The following SPRED2 variants were observed in gnomAD, a reference collection of about 807,000 sequenced individuals.
SPRED2 encodes the protein sprouty-related, EVH1 domain-containing protein 2.
A neutral mutation model predicts 43.0 loss-of-function variants in SPRED2; 47 were observed. The ratio of observed to expected loss-of-function variants is 1.09; its 90% confidence interval spans 0.87 to 1.40. The LOEUF (loss-of-function observed/expected upper bound fraction) is 1.40, where lower values mean the gene tolerates loss of function less well. Among genes scored for constraint, SPRED2 ranks in the 40% most tolerant of loss-of-function variants. The pLI is 0.00. For synonymous variants in SPRED2, 225 were observed against 225.7 expected, an observed-to-expected ratio of 1.00 and a Z score of 0.03; for missense variants, 561 against 586.4, an observed-to-expected ratio of 0.96 and a Z score of 0.45.
chr2:65,338,024 A>C (rs1347066348), intron 2 of SPRED2, among the ~76,000 whole-genome samples: 5 of 152,368 alleles, frequency 3.3e-5, no homozygotes, highest in African/African-American at 1.2e-4. Flanking sequence ...ATTATAGAAT[A>C]AAATGTATCA....
chr2:65,355,556 A>G (rs1382953453), intron 1 of SPRED2, among the ~76,000 whole-genome samples: 1 of 152,156 alleles, frequency 6.6e-6, no homozygotes, highest in South Asian at 2.1e-4. Context: ...GTCTCCATCA[A>G]AAATACAAAA....
chr2:65,395,769 A>G (rs1227273761), intron 1 of SPRED2, among the ~76,000 whole-genome samples: 1 of 152,120 alleles, frequency 6.6e-6, no homozygotes, highest in South Asian at 2.1e-4. Context: ...ATGAACTCAA[A>G]TATCAAATAT....
chr2:65,358,050 C>A (rs564536719), intron 1 of SPRED2, among the ~76,000 whole-genome samples: 2 of 152,078 alleles, frequency 1.3e-5, no homozygotes, highest in South Asian at 4.2e-4. Flanking sequence ...CACTAAAATA[C>A]CCTACAAAAG....
At chr2:65,362,714 C>T (rs1473498534) in intron 1 of SPRED2, among the ~76,000 whole-genome samples, 1 of 152,026 alleles carries the variant, frequency 6.6e-6, no homozygotes, top group Non-Finnish European at 1.5e-5. Flanking sequence ...CAAAATTAGC[C>T]AGGCGTGGTG....
At chr2:65,336,889 A>G (rs980377181) in intron 2 of SPRED2, among the ~76,000 whole-genome samples, 7 of 152,206 alleles carry the variant, frequency 4.6e-5, no homozygotes, top group African/African-American at 1.4e-4. Flanking sequence ...CGGGCGGATC[A>G]TGAGGTCAGG....
At chr2:65,405,307 G>C (rs1477477094) in intron 1 of SPRED2, among the ~76,000 whole-genome samples, 1 of 152,248 alleles carries the variant, frequency 6.6e-6, no homozygotes, top group Admixed American at 6.5e-5. Context: ...GATAGTGATA[G>C]AGGAAGTCGT....
At chr2:65,416,361 C>G (rs538692861) in intron 1 of SPRED2, among the ~76,000 whole-genome samples, 20 of 152,260 alleles carry the variant, frequency 1.3e-4, no homozygotes, top group African/African-American at 4.3e-4. Flanking sequence ...GCATGCCAAC[C>G]AACACACTGC....
intron 1 of SPRED2, chr2:65,377,778 G>T: frequency 2.2e-6 from 1 of 459,790 alleles, no homozygotes; most frequent in Non-Finnish European, 4.6e-6. Flanking sequence ...TGTCAAAGCG[G>T]CAGTCCTCAG....
At chr2:65,361,782 G>T (rs528669555) in intron 1 of SPRED2, among the ~76,000 whole-genome samples, 1 of 152,302 alleles carries the variant, frequency 6.6e-6, no homozygotes, top group African/African-American at 2.4e-5. Flanking sequence ...GACGTGATGA[G>T]AACACATGCC....
At chr2:65,403,171 C>T (rs1675944281) in intron 1 of SPRED2, among the ~76,000 whole-genome samples, 1 of 152,244 alleles carries the variant, frequency 6.6e-6, no homozygotes, top group Admixed American at 6.5e-5. Context: ...CTACATTAAC[C>T]ATGTGCAAAC....
intron 1 of SPRED2, among the ~76,000 whole-genome samples, chr2:65,378,328 A>G (rs1394151813): frequency 6.6e-6 from 1 of 152,246 alleles, no homozygotes; most frequent in Non-Finnish European, 1.5e-5. Flanking sequence ...TGATCATGGT[A>G]TTGCGGTTCT....
chr2:65,322,985 T>C (rs1673476044), intron 4 of SPRED2, among the ~76,000 whole-genome samples: 1 of 152,148 alleles, frequency 6.6e-6, no homozygotes, highest in South Asian at 2.1e-4. Context: ...CTTACTAATA[T>C]GTGATGTGAT....
chr2:65,326,378 G>C (rs1313021106), intron 4 of SPRED2, among the ~76,000 whole-genome samples: 1 of 152,182 alleles, frequency 6.6e-6, no homozygotes, highest in Non-Finnish European at 1.5e-5. Flanking sequence ...CAAACAGGAA[G>C]TCGTCTGCCA....
chr2:65,380,278 G>A (rs1310725718), intron 1 of SPRED2, among the ~76,000 whole-genome samples: 4 of 152,088 alleles, frequency 2.6e-5, no homozygotes, highest in Admixed American at 6.6e-5. Context: ...ACTTAATACC[G>A]TAGGTGTAAA....
At chr2:65,405,342 CT>C (rs1489682843) in intron 1 of SPRED2, among the ~76,000 whole-genome samples, 1 of 152,186 alleles carries the variant, frequency 6.6e-6, no homozygotes. Context: ...CTGAAATGTC[CT>C]TTTCAACCTT....
At chr2:65,346,874 A>G (rs570821327) in intron 1 of SPRED2, among the ~76,000 whole-genome samples, 5 of 151,968 alleles carry the variant, frequency 3.3e-5, no homozygotes, top group Non-Finnish European at 5.9e-5. Context: ...CTGACTCTCC[A>G]TCTCTCCACC....
chr2:65,315,201 G>A (rs1033613410), intron 5 of SPRED2, among the ~76,000 whole-genome samples: 2 of 145,944 alleles, frequency 1.4e-5, no homozygotes. Context: ...GGTTTTTCAG[G>A]GGTTGAGGAA....
chr2:65,340,776 A>G (rs1331019341), intron 2 of SPRED2, among the ~76,000 whole-genome samples: 1 of 152,242 alleles, frequency 6.6e-6, no homozygotes, highest in Non-Finnish European at 1.5e-5. Context: ...ACTACATTGT[A>G]AAAACTGACA....
At chr2:65,408,462 C>T (rs929465911) in intron 1 of SPRED2, among the ~76,000 whole-genome samples, 2 of 152,210 alleles carry the variant, frequency 1.3e-5, no homozygotes, top group Non-Finnish European at 2.9e-5. Flanking sequence ...ATCCCTTCTT[C>T]TCTGAATTGA....
Sources: gnomAD v4.1 joint callset for allele counts (sites outside exome capture counted in the v4.1 genomes callset) on GRCh38, gnomAD v4.1.1 for gene constraint, MANE v1.5 for transcripts, NCBI Gene and HGNC (gene_info 2026-07-23, HGNC 2026-07-21) for gene names.